Variants in SCUBE1 observed in about 807,000 individuals in gnomAD.
SCUBE1 encodes signal peptide, CUB and EGF-like domain-containing protein 1.
SCUBE1 carries 59 observed loss-of-function variants against 124.4 expected under a neutral mutation model. The observed-to-expected ratio is 0.47, with a 90% CI of 0.38 to 0.59. The LOEUF is 0.59. Ranked by LOEUF, SCUBE1 falls within the 20% of genes least tolerant of loss-of-function variation. The pLI is 0.00. For synonymous variants in SCUBE1, 545 were observed against 550.9 expected (o/e 0.99, Z 0.15); for missense variants, 1,150 against 1,371.2 (o/e 0.84, Z 2.55).
chr22:43,208,337 C>T (rs1481120695), intron 19 of SCUBE1, 113 bp from the exon 20 acceptor site: 2 of 960,922 alleles, frequency 2.1e-6, no homozygotes, highest in Non-Finnish European at 1.6e-6. Flanking sequence ...CGCCTGGTCC[C>T]CCAAACACAA....
intron 6 of SCUBE1, among the ~76,000 whole-genome samples, chr22:43,247,719 C>T (rs538252148): frequency 5.9e-5 from 9 of 152,308 alleles, no homozygotes; most frequent in South Asian, 2.1e-4. Flanking sequence ...AGGAGCAGGC[C>T]GTTGCCCCCC....
intron 6 of SCUBE1, among the ~76,000 whole-genome samples, chr22:43,256,105 G>A (rs972444154): frequency 6.6e-6 from 1 of 152,188 alleles, no homozygotes; most frequent in African/African-American, 2.4e-5. Flanking sequence ...CAACACTCAT[G>A]CAAAATTAAG....
At position 43,210,786 on chromosome 22, in the gene SCUBE1, G is replaced by T. The variant is rs183465999; in HGVS notation, c.2383+136C>A. Reference sequence around the variant, plus strand: ...GCCTCCAGATGGATGCAATGCACCCGAGAGCAGACGGGACGGAGCGGGAGG... The same window carrying T: ...GCCTCCAGATGGATGCAATGCACCCTAGAGCAGACGGGACGGAGCGGGAGG... On this transcript the variant is annotated intron_variant, in intron 18 of 21. Transcript: ENST00000360835. The surrounding 1 kb of genome is among the most constrained non-coding windows in gnomAD (Gnocchi z 4.5). 7.4e-6 allele frequency: 8 copies of T among 1,082,996 alleles called. No homozygotes were observed. In the African/African-American group the frequency reaches 1.1e-4, roughly 15 times the overall value. The allele number at this position is 1,082,996 out of a possible 1,614,324, so 67.1% of individuals were successfully genotyped here.
intron 1 of SCUBE1, among the ~76,000 whole-genome samples, 168 bp downstream of exon 1, chr22:43,343,006 G>A (rs1464258634): frequency 6.6e-6 from 1 of 151,262 alleles, no homozygotes; most frequent in African/African-American, 2.4e-5. Context: ...CCGGGCTGCG[G>A]GGAGGGGGCG....
At chr22:43,293,998 C>T (rs747295141) in intron 3 of SCUBE1, among the ~76,000 whole-genome samples, 17 of 152,192 alleles carry the variant, frequency 1.1e-4, no homozygotes, top group Admixed American at 7.2e-4. Context: ...CCTGGCAGGG[C>T]GGCTGGGCCT....
At chr22:43,237,665 G>C (rs185025352) in intron 7 of SCUBE1, 4 of 152,202 alleles carry the variant, frequency 2.6e-5, no homozygotes, top group African/African-American at 9.7e-5. Context: ...CAGCAAGTTG[G>C]CAAGGAAGAA....
At chr22:43,290,175 T>G (rs983094708) in intron 4 of SCUBE1, among the ~76,000 whole-genome samples, 20 of 152,208 alleles carry the variant, frequency 1.3e-4, no homozygotes, top group African/African-American at 4.8e-4. Context: ...GCAAGAGATG[T>G]GCCTCCGCAA....
intron 5 of SCUBE1, among the ~76,000 whole-genome samples, chr22:43,262,209 TG>T (rs1393300392): frequency 6.6e-6 from 1 of 152,230 alleles, no homozygotes; most frequent in African/African-American, 2.4e-5. Context: ...TTGTCCAAGC[TG>T]GACTCAAAGT....
At chr22:43,232,880 C>T (rs1922612441) in intron 7 of SCUBE1, among the ~76,000 whole-genome samples, 1 of 152,338 alleles carries the variant, frequency 6.6e-6, no homozygotes, top group Middle Eastern at 3.4e-3. Flanking sequence ...GCCAGCCTGG[C>T]ATTCTGTGCC....
chr22:43,318,767 T>A (rs1926439373), intron 3 of SCUBE1, among the ~76,000 whole-genome samples: 1 of 152,206 alleles, frequency 6.6e-6, no homozygotes, highest in African/African-American at 2.4e-5. Flanking sequence ...TTCACTCTTG[T>A]CGCCCGGGCT....
intron 2 of SCUBE1, among the ~76,000 whole-genome samples, chr22:43,338,587 G>C (rs1023158142): frequency 2.0e-5 from 3 of 151,852 alleles, no homozygotes; most frequent in African/African-American, 7.3e-5. Context: ...GTGCAGTGGC[G>C]CCATCTCGGC....
At chr22:43,337,813 A>G (rs371046215) in intron 2 of SCUBE1, among the ~76,000 whole-genome samples, 10 of 152,254 alleles carry the variant, frequency 6.6e-5, no homozygotes, top group East Asian at 5.8e-4. Flanking sequence ...CAGAAAGAGC[A>G]GGGACCCATC....
intron 19 of SCUBE1, among the ~76,000 whole-genome samples, chr22:43,209,627 G>T (rs1921451545): frequency 6.6e-6 from 1 of 152,224 alleles, no homozygotes. Context: ...TGGGACGGCC[G>T]TGTGGTCCCC....
chr22:43,210,121 T>C lies in SCUBE1; in HGVS notation c.2503A>G (p.Arg835Gly). 6.2e-7 allele frequency: 1 copy of C among 1,612,982 alleles called. No individual in the cohort carries two copies. The highest frequency in any genetic ancestry group is 8.5e-7 in the Non-Finnish European group (1 of 1,179,676). The change falls in exon 19 of 22, where the codon AGG (arginine) becomes GGG (glycine). Residue 835 changes from arginine to glycine, a missense_variant. Physicochemically the swap from Arg to Gly is moderately radical, Grantham distance 125. Around this residue, in one of 3 missense-constraint regions of SCUBE1, gnomAD observed 757 missense variants for 840.9 expected, o/e 0.90. Coordinates refer to ENST00000360835, the MANE Select transcript of SCUBE1 (RefSeq NM_173050.5). This position sits in a 1 kb window ranked among gnomAD's most constrained non-coding sequence, Gnocchi z 4.5. The part of the protein sequence containing the change: ...VWHIAPPPKR[R>G]ILIVVPEIFL... ...ATCTCAGGGACCACGATGAGGATCC[T>C]GCGCTTTGGGGGAGGCGCGATGTGC...
chr22:43,220,684 C>A, intron 13 of SCUBE1, 97 bp from the exon 14 acceptor site: 1 of 1,470,008 alleles, frequency 6.8e-7, no homozygotes. Context: ...CAAGGACTTC[C>A]TGGTCCGTGG....
At chr22:43,281,506 T>TCCCTCAGCCACCCTCCTGTCACCTC (rs745515163) in intron 4 of SCUBE1, among the ~76,000 whole-genome samples, 1 of 46,180 alleles carries the variant, frequency 2.2e-5, no homozygotes, top group Non-Finnish European at 3.7e-5. Flanking sequence ...TCCTGTCACC[T>TCCCTCAGCCACCCTCCTGTCACCTC]CCTCCTCAGC....
At chr22:43,291,566 C>T (rs1925360661) in intron 3 of SCUBE1, among the ~76,000 whole-genome samples, 1 of 151,926 alleles carries the variant, frequency 6.6e-6, no homozygotes, top group African/African-American at 2.4e-5. Context: ...CACGGTGGGC[C>T]CCCATCGCGC....
chr22:43,339,782 C>CA (rs1927233885), intron 1 of SCUBE1, among the ~76,000 whole-genome samples: 1 of 105,138 alleles, frequency 9.5e-6, no homozygotes, highest in Non-Finnish European at 2.0e-5. Context: ...TCTATCCCCC[C>CA]ACAAGCATTG....
At chr22:43,214,001 C>T in intron 16 of SCUBE1, 89 bp downstream of exon 16, 1 of 1,287,228 alleles carries the variant, frequency 7.8e-7, no homozygotes, top group Non-Finnish European at 1.0e-6. Flanking sequence ...CACCAGGCAC[C>T]TGGGCCTTCG....
Sources: gnomAD v4.1 joint callset for allele counts (sites outside exome capture counted in the v4.1 genomes callset) on GRCh38, gnomAD v4.1.1 for gene constraint, gnomAD v4.1.1 regional missense constraint, Gnocchi (gnomAD v3.1) non-coding constraint, MANE v1.5 for transcripts, NCBI Gene and HGNC (gene_info 2026-07-23, HGNC 2026-07-21) for gene names.